The following NREP variants were observed in gnomAD, a reference collection of about 807,000 sequenced individuals.
NREP encodes neuronal regeneration related protein.
In NREP, 5 loss-of-function variants were observed where a neutral mutation model predicts 8.6. That is an observed-to-expected ratio of 0.58 (90% confidence interval 0.30 to 1.22). The LOEUF (loss-of-function observed/expected upper bound fraction) is 1.22, where lower values mean the gene tolerates loss of function less well. Among genes scored for constraint, NREP ranks in the 50% most tolerant of loss-of-function variants. NREP has a pLI of 0.07. For synonymous variants in NREP, 27 were observed against 28.0 expected (o/e 0.96, Z 0.11); for missense variants, 86 against 82.5 (o/e 1.04, Z -0.17).
At chr5:111,781,105 C>G (rs144962339) in intron 2 of NREP, among the ~76,000 whole-genome samples, 1 of 152,080 alleles carries the variant, frequency 6.6e-6, no homozygotes, top group African/African-American at 2.4e-5. Context: ...GGTATTAAGC[C>G]TAGTACTCAT....
intron 2 of NREP, among the ~76,000 whole-genome samples, chr5:111,921,279 A>G (rs1422739807): frequency 1.3e-5 from 2 of 152,064 alleles, no homozygotes; most frequent in Non-Finnish European, 2.9e-5. Flanking sequence ...AACAGCAGCT[A>G]GCGTTCCTCC....
intron 2 of NREP, among the ~76,000 whole-genome samples, chr5:111,962,582 C>A (rs1004663957): frequency 6.6e-6 from 1 of 152,144 alleles, no homozygotes; most frequent in African/African-American, 2.4e-5. Context: ...TATCCCTGAG[C>A]CAAAAAGCTT....
intron 1 of NREP, 51 bp downstream of exon 1, chr5:111,757,085 C>A: frequency 2.0e-6 from 1 of 487,980 alleles, no homozygotes. Flanking sequence ...GGAATCGACA[C>A]AAAAGAGAAA....
intron 1 of NREP, 121 bp from the exon 2 acceptor site, chr5:111,755,951 A>T: frequency 6.8e-7 from 1 of 1,479,658 alleles, no homozygotes; most frequent in African/African-American, 1.4e-5. Context: ...AGTTACATGC[A>T]AATTATTGTT....
intron 2 of NREP, among the ~76,000 whole-genome samples, chr5:111,790,943 T>C (rs1196274899): frequency 6.6e-6 from 1 of 152,114 alleles, no homozygotes; most frequent in African/African-American, 2.4e-5. Context: ...TATATGTGGG[T>C]TCAGCAGGGC....
At chr5:111,741,093 C>T (rs188847676) in intron 2 of NREP, among the ~76,000 whole-genome samples, 3 of 152,224 alleles carry the variant, frequency 2.0e-5, no homozygotes, top group Non-Finnish European at 4.4e-5. Context: ...TTCTTTATCC[C>T]TGATGGGGTC....
chr5:111,730,999 C>T lies in NREP; in HGVS notation c.129G>A (p.Glu43=), dbSNP rs1561625900. 1 of 1,613,924 alleles carries T rather than the reference C, an allele frequency of 6.2e-7. No homozygotes were observed. Among genetic ancestry groups the T allele is most frequent in the East Asian group, 2.2e-5 (1 of 44,876 alleles). The change falls in exon 4 of 4, where the codon GAG becomes GAA. Residue 43 remains glutamate (E), a synonymous_variant. Transcript: ENST00000257435. ...GTGGAGTCAGGGAGGCAGCGTTTGT[C>T]TCATCGTTCTTCTTGCGGTTCACTT... ...PKEVNRKKND[E]TNAASLTPLG...
rs1755175771 is a variant in NREP at position 111,919,865 on chromosome 5, GAGAGAGAA to G, written c.135+55401_135+55408del. Reference sequence around the variant, plus strand: ...CTGCACATGTATCCCAGAACTTGAAGAGAGAGAAAGAAAGAAAGAAAGAAAGAAAGAAA... The same window carrying G: ...CTGCACATGTATCCCAGAACTTGAAGAGAAAGAAAGAAAGAAAGAAAGAAA... On this transcript the variant is annotated intron_variant, in intron 2 of 3. Coordinates refer to the NREP transcript ENST00000395634. Among the ~76,000 whole-genome samples, 3 of 76,376 alleles carry G rather than the reference GAGAGAGAA, an allele frequency of 3.9e-5. No homozygotes were observed. In the East Asian group the frequency reaches 1.3e-3, roughly 34 times the overall value. 50.1% of individuals were successfully genotyped at this position (76,376 alleles called of 152,430 possible). A position where few individuals can be genotyped will look rare whatever the true frequency, so the allele number is the denominator to read the frequency against.
At chr5:111,972,936 T>A (rs573813713) in intron 2 of NREP, among the ~76,000 whole-genome samples, 3 of 152,154 alleles carry the variant, frequency 2.0e-5, no homozygotes, top group African/African-American at 7.2e-5. Context: ...ACTAAAATTA[T>A]GAAGAATTCA....
intron 2 of NREP, among the ~76,000 whole-genome samples, chr5:111,910,030 C>A (rs1343764578): frequency 1.3e-5 from 2 of 152,054 alleles, no homozygotes; most frequent in Admixed American, 1.3e-4. Flanking sequence ...TTAGCAGCCA[C>A]GATATAATTT....
At chr5:111,864,917 G>A (rs544145983) in intron 2 of NREP, among the ~76,000 whole-genome samples, 4 of 152,164 alleles carry the variant, frequency 2.6e-5, no homozygotes, top group East Asian at 1.9e-4. Flanking sequence ...AAAGCCTAGT[G>A]TAGGCAAAGA....
At chr5:111,742,790 C>T (rs1356538409) in intron 2 of NREP, among the ~76,000 whole-genome samples, 1 of 152,108 alleles carries the variant, frequency 6.6e-6, no homozygotes, top group Non-Finnish European at 1.5e-5. Flanking sequence ...GTGTTCCTCT[C>T]ATTCCAGCCC....
chr5:111,838,751 GACAT>G (rs1461691622), intron 2 of NREP, among the ~76,000 whole-genome samples: 7 of 151,800 alleles, frequency 4.6e-5, no homozygotes, highest in South Asian at 4.2e-4. Context: ...AAATTTATAA[GACAT>G]ACATATAATG....
At chr5:111,751,155 T>A (rs897694235) in intron 2 of NREP, among the ~76,000 whole-genome samples, 5 of 152,230 alleles carry the variant, frequency 3.3e-5, no homozygotes, top group Admixed American at 2.6e-4. Context: ...CTTAATACTT[T>A]ACCAAGCACT....
intron 2 of NREP, among the ~76,000 whole-genome samples, chr5:111,966,882 A>C (rs1233441153): frequency 3.9e-5 from 6 of 152,232 alleles, no homozygotes; most frequent in Non-Finnish European, 1.5e-5. Context: ...TTCAATGAAC[A>C]GAAAATGCTG....
At chr5:111,780,973 T>C (rs1484435892) in intron 2 of NREP, among the ~76,000 whole-genome samples, 1 of 152,080 alleles carries the variant, frequency 6.6e-6, no homozygotes, top group Non-Finnish European at 1.5e-5. Context: ...AGGGGTTTGT[T>C]ATATAGATTA....
intron 2 of NREP, among the ~76,000 whole-genome samples, chr5:111,737,688 C>G (rs1223072426): frequency 6.7e-6 from 1 of 148,696 alleles, no homozygotes; most frequent in Non-Finnish European, 1.5e-5. Flanking sequence ...TTCTAACAAT[C>G]TGTTGTTCTA....
At chr5:111,759,898 C>T (rs1025007720), upstream of NREP, among the ~76,000 whole-genome samples, 55 of 152,140 alleles carry the variant, frequency 3.6e-4, no homozygotes, top group South Asian at 8.3e-4. Context: ...TGCTCCATTA[C>T]GGGATAAAGG....
chr5:111,882,776 TGA>T (rs1350995246), intron 2 of NREP, among the ~76,000 whole-genome samples: 2 of 152,138 alleles, frequency 1.3e-5, no homozygotes, highest in Non-Finnish European at 2.9e-5. Context: ...AAGCAAATGC[TGA>T]GAGATTTTGT....
Sources: allele counts gnomAD v4.1 joint callset (sites outside exome capture counted in the v4.1 genomes callset), GRCh38; gene constraint gnomAD v4.1.1; transcripts MANE v1.5; gene names NCBI Gene and HGNC (gene_info 2026-07-23, HGNC 2026-07-21).